FAF1: variants seen among roughly 807,000 people sequenced by gnomAD.
The protein encoded by FAF1 is FAS-associated factor 1.
FAF1 carries 25 observed loss-of-function variants against 92.5 expected under a neutral mutation model. The observed-to-expected ratio is 0.27, with a 90% CI of 0.20 to 0.38. The LOEUF (loss-of-function observed/expected upper bound fraction) is 0.38. Ranked by LOEUF, FAF1 falls within the 10% of genes least tolerant of loss-of-function variation. The pLI, the probability that FAF1 is intolerant of heterozygous loss-of-function variation, is 1.00. For synonymous variants in FAF1, 234 were observed against 273.2 expected (o/e 0.86, Z 1.42); for missense variants, 636 against 793.3 (o/e 0.80, Z 2.38).
At chr1:50,600,137 C>A (rs1156465823) in intron 8 of FAF1, among the ~76,000 whole-genome samples, 3 of 152,074 alleles carry the variant, frequency 2.0e-5, no homozygotes, top group African/African-American at 7.2e-5. Flanking sequence ...TTGCCAATGA[C>A]AAAATTTGAG....
intron 15 of FAF1, among the ~76,000 whole-genome samples, chr1:50,514,369 T>C (rs12747336): frequency 0.03 from 4,499 of 152,324 alleles, 140 homozygotes; most frequent in Admixed American, 0.11. Flanking sequence ...ATCTGCTAAA[T>C]GGATTTGTCT....
At chr1:50,786,131 CAAA>C (rs538951297) in intron 4 of FAF1, among the ~76,000 whole-genome samples, 2 of 130,058 alleles carry the variant, frequency 1.5e-5, no homozygotes, top group African/African-American at 2.9e-5. Context: ...GACCCTGTCT[CAAA>C]AAAAAAAAAA....
At chr1:50,709,165 A>G (rs1157662562) in intron 6 of FAF1, among the ~76,000 whole-genome samples, 1 of 152,120 alleles carries the variant, frequency 6.6e-6, no homozygotes, top group Non-Finnish European at 1.5e-5. Flanking sequence ...AGCTCACTAC[A>G]ATCTTTGTTC....
At chr1:50,910,735 G>C (rs926453400) in intron 1 of FAF1, among the ~76,000 whole-genome samples, 1 of 151,984 alleles carries the variant, frequency 6.6e-6, no homozygotes, top group East Asian at 1.9e-4. Context: ...TTGGAAAAGC[G>C]CAGTATTAGG....
At chr1:50,776,445 T>C (rs926441287) in intron 4 of FAF1, among the ~76,000 whole-genome samples, 1 of 152,180 alleles carries the variant, frequency 6.6e-6, no homozygotes, top group Admixed American at 6.5e-5. Context: ...CTCTCTAATA[T>C]ATTTAAAGTG....
intron 1 of FAF1, among the ~76,000 whole-genome samples, chr1:50,878,449 T>TG (rs934563368): frequency 3.3e-5 from 5 of 152,214 alleles, no homozygotes; most frequent in African/African-American, 9.7e-5. Flanking sequence ...CTGCTGTGGG[T>TG]GGTTTCTTCT....
chr1:50,910,877 G>A (rs1350045592), intron 1 of FAF1, among the ~76,000 whole-genome samples: 1 of 151,972 alleles, frequency 6.6e-6, no homozygotes. Context: ...TCCGTGGGCT[G>A]CACCCACTGT....
chr1:50,562,028 T>C (rs1278186727), intron 13 of FAF1, among the ~76,000 whole-genome samples: 3 of 152,166 alleles, frequency 2.0e-5, no homozygotes, highest in Non-Finnish European at 4.4e-5. Flanking sequence ...TATGGGAGCA[T>C]ACAGAATATG....
At chr1:50,587,938 G>A (rs1313954515) in intron 9 of FAF1, among the ~76,000 whole-genome samples, 2 of 152,186 alleles carry the variant, frequency 1.3e-5, no homozygotes, top group Non-Finnish European at 2.9e-5. Flanking sequence ...TGAAATAGAT[G>A]TTCCTTTCAG....
chr1:50,859,196 C>G (rs1644413282), intron 1 of FAF1, among the ~76,000 whole-genome samples: 1 of 151,832 alleles, frequency 6.6e-6, no homozygotes, highest in African/African-American at 2.4e-5. Flanking sequence ...CTCTTGAGAA[C>G]TGAAACAAGG....
At chr1:50,536,528 C>A (rs1216506261) in intron 14 of FAF1, among the ~76,000 whole-genome samples, 4 of 152,158 alleles carry the variant, frequency 2.6e-5, no homozygotes, top group Non-Finnish European at 4.4e-5. Context: ...GGTCCTTTCC[C>A]TAATTATCCT....
chr1:50,846,244 AC>A (rs1459038362), intron 2 of FAF1, among the ~76,000 whole-genome samples: 1 of 151,650 alleles, frequency 6.6e-6, no homozygotes, highest in Non-Finnish European at 1.5e-5. Context: ...TACAATGCAT[AC>A]AAAAAAAAAA....
chr1:50,547,976 C>T (rs1463071245), intron 13 of FAF1, among the ~76,000 whole-genome samples: 8 of 152,096 alleles, frequency 5.3e-5, no homozygotes, highest in Admixed American at 5.2e-4. Context: ...ATCATAGACT[C>T]TTAGGAGGGA....
intron 8 of FAF1, among the ~76,000 whole-genome samples, chr1:50,617,512 C>T (rs957850915): frequency 2.0e-5 from 3 of 151,948 alleles, no homozygotes; most frequent in Admixed American, 6.6e-5. Flanking sequence ...TTAACTGTGG[C>T]GAATTAAGTT....
At chr1:50,522,663 G>A (rs1372816698) in intron 15 of FAF1, among the ~76,000 whole-genome samples, 1 of 152,154 alleles carries the variant, frequency 6.6e-6, no homozygotes, top group Non-Finnish European at 1.5e-5. Context: ...CTGAGCCCAA[G>A]AATCAATAAC....
At chr1:50,545,710 G>C (rs1437190706) in intron 13 of FAF1, among the ~76,000 whole-genome samples, 1 of 152,212 alleles carries the variant, frequency 6.6e-6, no homozygotes, top group Non-Finnish European at 1.5e-5. Context: ...TAGTATAAGT[G>C]AAACTGATAC....
intron 2 of FAF1, among the ~76,000 whole-genome samples, chr1:50,816,012 G>A (rs112705281): frequency 2.0e-5 from 3 of 148,662 alleles, no homozygotes; most frequent in African/African-American, 5.0e-5. Flanking sequence ...AGGCGATAGA[G>A]TGAGATTCCG....
At chr1:50,678,469 A>G (rs1161248279) in intron 7 of FAF1, among the ~76,000 whole-genome samples, 2 of 152,184 alleles carry the variant, frequency 1.3e-5, no homozygotes, top group Non-Finnish European at 2.9e-5. Context: ...TTCTGTGCCT[A>G]GCCACTAGTT....
chr1:50,761,373 G>A (rs1660319230), intron 4 of FAF1, among the ~76,000 whole-genome samples: 1 of 152,182 alleles, frequency 6.6e-6, no homozygotes, highest in African/African-American at 2.4e-5. Context: ...AAGCCAGGCA[G>A]AGACACAACC....
Sources: gnomAD v4.1 joint callset for allele counts (sites outside exome capture counted in the v4.1 genomes callset) on GRCh38, gnomAD v4.1.1 for gene constraint, MANE v1.5 for transcripts, NCBI Gene and HGNC (gene_info 2026-07-23, HGNC 2026-07-21) for gene names.